CELF2: variants seen among roughly 807,000 people sequenced by gnomAD.
CELF2 encodes CUGBP Elav-like family member 2.
Under a neutral mutation model 62.6 loss-of-function variants are expected in CELF2, and 8 were observed. The observed-to-expected ratio is 0.13, with a 90% CI of 0.07 to 0.23. The LOEUF (loss-of-function observed/expected upper bound fraction) is 0.23. Ranked by LOEUF, CELF2 falls within the 10% of genes least tolerant of loss-of-function variation. The probability of loss-of-function intolerance (pLI) is 1.00; values close to 1 mark genes in which losing one functional copy is unlikely to be tolerated. For synonymous variants in CELF2, 258 were observed against 250.0 expected (o/e 1.03, Z -0.30); for missense variants, 333 against 671.0 (o/e 0.50, Z 5.56).
the CELF2 span, among the ~76,000 whole-genome samples, chr10:10,581,300 G>A: frequency 6.8e-4 from 103 of 152,302 alleles, 1 homozygote; most frequent in African/African-American, 2.4e-3. Flanking sequence ...AGAAATAGCT[G>A]ATTGTTTGAG....
chr10:10,642,346 G>A, the CELF2 span, among the ~76,000 whole-genome samples: 1 of 152,124 alleles, frequency 6.6e-6, no homozygotes, highest in Non-Finnish European at 1.5e-5. Context: ...CTCCAGCACA[G>A]TCCCAAAGCC....
At chr10:10,705,490 G>A in the CELF2 span, among the ~76,000 whole-genome samples, 1 of 152,116 alleles carries the variant, frequency 6.6e-6, no homozygotes, top group African/African-American at 2.4e-5. Flanking sequence ...GAACTACAGG[G>A]AGAGAGAGGG....
In CELF2 at chr10:11,247,243, G is replaced by C. The variant is rs1287491543; in HGVS notation, c.355-1910G>C. On this transcript the variant is annotated intron_variant, in intron 3 of 12. Coordinates refer to ENST00000633077, the MANE Select transcript of CELF2 (RefSeq NM_001326342.2). The surrounding 1 kb of genome is among the most constrained non-coding windows in gnomAD (Gnocchi z 5.4). The stretch of plus-strand genomic sequence containing the variant: ...AGACAAAATTTCAGTTCCTTAGCTT[G>C]CAAGACCCTCTGAGAGCTGGGTGTT... Among the ~76,000 whole-genome samples, 1 of 152,196 alleles carries C rather than the reference G, an allele frequency of 6.6e-6. No homozygotes were observed. The highest frequency in any genetic ancestry group is 1.5e-5 in the Non-Finnish European group (1 of 68,038).
chr10:10,913,831 G>A (rs1456511991), intron 1 of CELF2, among the ~76,000 whole-genome samples: 1 of 139,570 alleles, frequency 7.2e-6, no homozygotes, highest in Non-Finnish European at 1.5e-5. Flanking sequence ...GGGAGGGAGG[G>A]AAGGAAGGAA....
chr10:10,815,344 AG>A (rs2131832447), intron 1 of CELF2, among the ~76,000 whole-genome samples: 2 of 152,214 alleles, frequency 1.3e-5, no homozygotes, highest in East Asian at 3.9e-4. Flanking sequence ...TCTGCAGGAA[AG>A]GAGGAAATGG....
intron 1 of CELF2, among the ~76,000 whole-genome samples, chr10:11,007,962 T>C (rs1275838361): frequency 2.6e-5 from 4 of 152,196 alleles, no homozygotes; most frequent in Non-Finnish European, 5.9e-5. Context: ...TGTTTGCTTT[T>C]CCGGTGGTTG....
chr10:10,681,236 A>G, the CELF2 span, among the ~76,000 whole-genome samples: 1 of 152,114 alleles, frequency 6.6e-6, no homozygotes, highest in Non-Finnish European at 1.5e-5. Flanking sequence ...TGAGTGACCT[A>G]TGGGCCCCAG....
At chr10:10,617,993 A>G in the CELF2 span, among the ~76,000 whole-genome samples, 1 of 152,026 alleles carries the variant, frequency 6.6e-6, no homozygotes, top group African/African-American at 2.4e-5. Flanking sequence ...TTCCTTCCCT[A>G]AATCAAAGCA....
intron 2 of CELF2, among the ~76,000 whole-genome samples, chr10:10,986,436 T>C (rs1459016976): frequency 6.6e-6 from 1 of 152,226 alleles, no homozygotes; most frequent in Non-Finnish European, 1.5e-5. Flanking sequence ...TTGTGGGTTT[T>C]CATATGAGAT....
intron 2 of CELF2, among the ~76,000 whole-genome samples, chr10:10,952,864 T>C (rs566359285): frequency 1.3e-5 from 2 of 152,340 alleles, no homozygotes; most frequent in East Asian, 3.9e-4. Flanking sequence ...ATTTGGTCCA[T>C]ATGTAATTAA....
intron 2 of CELF2, among the ~76,000 whole-genome samples, chr10:11,189,077 A>G (rs572256497): frequency 6.6e-5 from 10 of 152,172 alleles, no homozygotes; most frequent in African/African-American, 2.4e-4. Context: ...CTGTATGATT[A>G]TTTTCTACTT....
the CELF2 span, among the ~76,000 whole-genome samples, chr10:10,653,312 A>C: frequency 1.5e-4 from 23 of 150,520 alleles, no homozygotes; most frequent in Non-Finnish European, 2.5e-4. Context: ...GATCAACGAG[A>C]CAGAAAGTCA....
chr10:10,926,673 T>G (rs2065497647), intron 2 of CELF2, among the ~76,000 whole-genome samples: 1 of 152,178 alleles, frequency 6.6e-6, no homozygotes, highest in Non-Finnish European at 1.5e-5. Context: ...AGGAATCCCT[T>G]TTCCATGCCT....
At chr10:11,277,445 G>T (rs2086577053) in intron 8 of CELF2, among the ~76,000 whole-genome samples, 1 of 152,112 alleles carries the variant, frequency 6.6e-6, no homozygotes, top group Non-Finnish European at 1.5e-5. Flanking sequence ...GATGCTTCAG[G>T]ATACTCTGTG....
chr10:11,005,255 G>GGAGGGAGAGA, upstream of CELF2: 2 of 1,175,916 alleles, frequency 1.7e-6, no homozygotes, highest in Non-Finnish European at 2.3e-6. The surrounding 1 kb of genome is among the most constrained non-coding windows in gnomAD (Gnocchi z 4.3). Flanking sequence ...AGAGAGAGAG[G>GGAGGGAGAGA]GAGAGAGAGA....
chr10:11,015,104 A>G (rs752778443), upstream of CELF2, among the ~76,000 whole-genome samples: 3 of 152,206 alleles, frequency 2.0e-5, no homozygotes, highest in Non-Finnish European at 4.4e-5. This position sits in a 1 kb window ranked among gnomAD's most constrained non-coding sequence, Gnocchi z 4.8. Flanking sequence ...CAGCGGCCCC[A>G]TAGAGCTGTC....
At chr10:10,695,907 T>G in the CELF2 span, among the ~76,000 whole-genome samples, 52,399 of 150,814 alleles carry the variant, frequency 0.35, 11,317 homozygotes, top group Non-Finnish European at 0.49. Context: ...TATACATTCT[T>G]CTAAATTTTT....
intron 3 of CELF2, among the ~76,000 whole-genome samples, chr10:11,240,975 C>A (rs1317915125): frequency 6.6e-6 from 1 of 152,108 alleles, no homozygotes; most frequent in Non-Finnish European, 1.5e-5. Context: ...TGCTTGCTGT[C>A]TGACTCGGCC....
intron 2 of CELF2, among the ~76,000 whole-genome samples, chr10:11,190,677 C>T (rs1032613174): frequency 2.0e-5 from 3 of 149,576 alleles, no homozygotes; most frequent in Non-Finnish European, 3.0e-5. Context: ...AGCTTCTGTC[C>T]TCGAAAATCT....
Sources: gnomAD v4.1 joint callset for allele counts (sites outside exome capture counted in the v4.1 genomes callset) on GRCh38, gnomAD v4.1.1 for gene constraint, Gnocchi (gnomAD v3.1) non-coding constraint, MANE v1.5 for transcripts, NCBI Gene and HGNC (gene_info 2026-07-23, HGNC 2026-07-21) for gene names.